The following MAPRE2 variants were observed in gnomAD, a reference collection of about 807,000 sequenced individuals.
MAPRE2 encodes the protein microtubule associated protein RP/EB family member 2, also known as microtubule-associated protein RP/EB family member 2.
In MAPRE2, 13 loss-of-function variants were observed where a neutral mutation model predicts 43.2. That is an observed-to-expected ratio of 0.30 (90% CI 0.20 to 0.48). The LOEUF (loss-of-function observed/expected upper bound fraction) is 0.48, where lower values mean the gene tolerates loss of function less well. MAPRE2 is among the 20% of genes least tolerant of loss of function. The probability of loss-of-function intolerance (pLI) is 0.99; values close to 1 mark genes in which losing one functional copy is unlikely to be tolerated. For missense variants in MAPRE2, 161 were observed against 400.2 expected (o/e 0.40, Z 5.10); for synonymous variants, 135 against 148.8 (o/e 0.91, Z 0.68).
exon 2 of MAPRE2, chr18:35,005,497 T>C: frequency 1.3e-6 from 2 of 1,537,066 alleles, no homozygotes; most frequent in East Asian, 2.5e-5. Context: ...CCCAGTGTCC[T>C]GTTTCCCAGA....
At chr18:35,123,477 C>T (rs1417390987) in intron 4 of MAPRE2, among the ~76,000 whole-genome samples, 5 of 152,192 alleles carry the variant, frequency 3.3e-5, no homozygotes, top group African/African-American at 4.8e-5. Context: ...CTGTGTCCCT[C>T]AGGAGGGGCC....
At chr18:35,073,806 A>T (rs1338555037) in intron 2 of MAPRE2, among the ~76,000 whole-genome samples, 1 of 152,166 alleles carries the variant, frequency 6.6e-6, no homozygotes, top group Non-Finnish European at 1.5e-5. Flanking sequence ...TTTATGTAAC[A>T]TCTAATTTGT....
chr18:35,051,420 A>G (rs904677265), intron 1 of MAPRE2, among the ~76,000 whole-genome samples: 9 of 152,168 alleles, frequency 5.9e-5, no homozygotes, highest in Admixed American at 2.0e-4. Context: ...TGGGAAGCCA[A>G]TTTCTTTCCC....
chr18:35,131,912 A>G, intron 5 of MAPRE2, 120 bp from the exon 6 acceptor site: 1 of 997,486 alleles, frequency 1.0e-6, no homozygotes, highest in Non-Finnish European at 1.5e-6. Flanking sequence ...TCAGACTTAC[A>G]CATTGGTTAT....
rs1240802904 is a variant in MAPRE2, at chr18:35,131,101, G to C, written c.751-931G>C. Reference sequence around the variant, plus strand: ...AAATTGAGACAGATCCACTCAGCCAGGCTTTGGGTCTTACCCAGTTTTCCT... The same window carrying C: ...AAATTGAGACAGATCCACTCAGCCACGCTTTGGGTCTTACCCAGTTTTCCT... On this transcript the variant is annotated intron_variant, in intron 5 of 6. Coordinates refer to ENST00000300249, the MANE Select transcript of MAPRE2 (RefSeq NM_014268.4). Among the ~76,000 whole-genome samples the C allele has an allele frequency of 2.0e-5, 3 of 152,208 alleles. No individual in the cohort carries two copies. In the East Asian group the frequency reaches 5.8e-4, roughly 29 times the overall value.
chr18:34,977,430 G>T (rs907549065), intron 1 of MAPRE2, among the ~76,000 whole-genome samples: 1 of 152,194 alleles, frequency 6.6e-6, no homozygotes, highest in Non-Finnish European at 1.5e-5. Context: ...GGCTGTCCAG[G>T]GTAGGAACAC....
intron 6 of MAPRE2, among the ~76,000 whole-genome samples, chr18:35,139,223 C>T (rs1354611010): frequency 2.0e-5 from 3 of 152,186 alleles, no homozygotes; most frequent in Non-Finnish European, 2.9e-5. Context: ...AGGGCTTGGG[C>T]AGTTCAGTGC....
At position 35,000,220 on chromosome 18, in the gene MAPRE2, A is replaced by G. The variant is rs566104375; in HGVS notation, c.-69-5272A>G. ...AGATGAAAACTTGGGCTCAGGCCCC[A>G]GTAGTGTTCTCTTCTTGGAAAAGCT... On this transcript the variant is annotated intron_variant, in intron 1 of 7. Coordinates refer to the MAPRE2 transcript ENST00000413393. 1.3e-3 allele frequency among the ~76,000 whole-genome samples: 191 copies of G among 152,276 alleles called. 1 individual carries two copies. The highest frequency in any genetic ancestry group is 4.4e-3 in the African/African-American group (183 of 41,550).
At chr18:35,119,997 C>A (rs2144222217) in intron 4 of MAPRE2, among the ~76,000 whole-genome samples, 1 of 152,248 alleles carries the variant, frequency 6.6e-6, no homozygotes, top group East Asian at 1.9e-4. Context: ...TAAGCATTTT[C>A]CATGTATTAA....
intron 2 of MAPRE2, among the ~76,000 whole-genome samples, chr18:35,034,064 T>C (rs1048633258): frequency 6.6e-6 from 1 of 152,114 alleles, no homozygotes; most frequent in African/African-American, 2.4e-5. Flanking sequence ...AAGTCAATCC[T>C]AAGCAAAAGA....
At chr18:35,033,728 C>G (rs1338688005) in intron 2 of MAPRE2, among the ~76,000 whole-genome samples, 2 of 151,360 alleles carry the variant, frequency 1.3e-5, no homozygotes, top group Non-Finnish European at 3.0e-5. Context: ...AACAGACAAA[C>G]AGAGAGCCAA....
At chr18:34,996,241 T>G (rs1263007228) in intron 1 of MAPRE2, among the ~76,000 whole-genome samples, 6 of 152,154 alleles carry the variant, frequency 3.9e-5, no homozygotes, top group African/African-American at 1.4e-4. Flanking sequence ...AGGGACCAGT[T>G]TTGTGGAAGA....
intron 1 of MAPRE2, among the ~76,000 whole-genome samples, chr18:34,985,749 T>A (rs2097020640): frequency 7.5e-6 from 1 of 133,710 alleles, no homozygotes; most frequent in Non-Finnish European, 1.5e-5. Flanking sequence ...ATATTATATA[T>A]GTAATATATA....
intron 2 of MAPRE2, among the ~76,000 whole-genome samples, chr18:35,091,707 A>G (rs930064784): frequency 6.8e-6 from 1 of 147,574 alleles, no homozygotes; most frequent in Admixed American, 6.8e-5. Context: ...GGGCTATCCC[A>G]CTCTCCCACG....
chr18:35,123,625 A>G (rs1285074232), intron 4 of MAPRE2, among the ~76,000 whole-genome samples: 2 of 152,128 alleles, frequency 1.3e-5, no homozygotes, highest in African/African-American at 2.4e-5. Flanking sequence ...TTAAGAGGAA[A>G]CCAAGGAGGA....
intron 5 of MAPRE2, among the ~76,000 whole-genome samples, chr18:35,129,665 C>T (rs1014389139): frequency 2.0e-5 from 3 of 152,136 alleles, no homozygotes; most frequent in Admixed American, 6.5e-5. Flanking sequence ...TCGCTCGGAG[C>T]GCGGGTGGGG....
intron 2 of MAPRE2, among the ~76,000 whole-genome samples, chr18:35,076,792 A>G (rs987106267): frequency 1.3e-5 from 2 of 152,216 alleles, no homozygotes; most frequent in Admixed American, 6.5e-5. Flanking sequence ...TCAGGAAACC[A>G]TAGAATTGGC....
intron 1 of MAPRE2, among the ~76,000 whole-genome samples, chr18:34,996,237 C>A (rs1190444053): frequency 6.6e-6 from 1 of 152,166 alleles, no homozygotes; most frequent in East Asian, 1.9e-4. Flanking sequence ...CACCAGGGAC[C>A]AGTTTTGTGG....
chr18:35,097,661 G>C lies in MAPRE2; in HGVS notation c.396+70G>C. ...ATTGTTTTTGTGCATAAATGCAAAA[G>C]TCCAGGAGCATACCAATGGGATATA... On this transcript the variant is annotated intron_variant, in intron 3 of 6. Transcript: ENST00000300249. 4.2e-6 allele frequency: 6 copies of C among 1,413,628 alleles called. No homozygotes were observed. The South Asian group carries it at 8.0e-5, about 19-fold the overall frequency. The allele number at this position is 1,413,628 out of a possible 1,614,324, so 87.6% of individuals were successfully genotyped here.
Sources: gnomAD v4.1 joint callset for allele counts (sites outside exome capture counted in the v4.1 genomes callset) on GRCh38, gnomAD v4.1.1 for gene constraint, MANE v1.5 for transcripts, NCBI Gene and HGNC (gene_info 2026-07-23, HGNC 2026-07-21) for gene names.